FRMD4B: variants seen among roughly 807,000 people sequenced by gnomAD.
FRMD4B encodes the protein FERM domain-containing protein 4B.
Under a neutral mutation model 141.5 loss-of-function variants are expected in FRMD4B, and 74 were observed. The observed-to-expected ratio is 0.52, with a 90% confidence interval of 0.43 to 0.63. The LOEUF is 0.63. Ranked by LOEUF, FRMD4B falls within the 30% of genes least tolerant of loss-of-function variation. The probability of loss-of-function intolerance (pLI) is 0.00; values close to 1 mark genes in which losing one functional copy is unlikely to be tolerated. For missense variants in FRMD4B, 1,366 were observed against 1,253.4 expected (o/e 1.09, Z -1.36); for synonymous variants, 506 against 467.9 (o/e 1.08, Z -1.05).
At chr3:69,280,993 C>T (rs1159981784) in intron 5 of FRMD4B, among the ~76,000 whole-genome samples, 1 of 150,572 alleles carries the variant, frequency 6.6e-6, no homozygotes, top group Admixed American at 6.6e-5. Flanking sequence ...TGCGATGGTG[C>T]GATCTCAGCT....
At chr3:69,213,381 A>AAG (rs1281831618) in intron 11 of FRMD4B, among the ~76,000 whole-genome samples, 2 of 151,750 alleles carry the variant, frequency 1.3e-5, no homozygotes, top group Non-Finnish European at 2.9e-5. Flanking sequence ...AAAAAAAAAA[A>AAG]AAAAGCTAAC....
At chr3:69,280,894 C>T (rs1003939598) in intron 5 of FRMD4B, among the ~76,000 whole-genome samples, 1 of 152,140 alleles carries the variant, frequency 6.6e-6, no homozygotes, top group African/African-American at 2.4e-5. Flanking sequence ...GCTGGGATTA[C>T]AGGCATGAGA....
intron 3 of FRMD4B, among the ~76,000 whole-genome samples, chr3:69,303,853 G>A (rs973966775): frequency 6.6e-6 from 1 of 152,144 alleles, no homozygotes; most frequent in African/African-American, 2.4e-5. Context: ...AGGATCACTT[G>A]GGCCCAGGGA....
At chr3:69,518,615 T>C (rs1559551728) in intron 1 of FRMD4B, among the ~76,000 whole-genome samples, 1 of 152,184 alleles carries the variant, frequency 6.6e-6, no homozygotes, top group Non-Finnish European at 1.5e-5. Flanking sequence ...CCTGGTGTTA[T>C]CTACCCTTCC....
intron 1 of FRMD4B, among the ~76,000 whole-genome samples, chr3:69,360,345 A>G (rs1315588973): frequency 6.6e-6 from 1 of 152,236 alleles, no homozygotes; most frequent in Non-Finnish European, 1.5e-5. Context: ...AAATAATTCA[A>G]TATAAAAGAT....
chr3:69,194,916 A>G, intron 16 of FRMD4B, 106 bp downstream of exon 16: 1 of 980,760 alleles, frequency 1.0e-6, no homozygotes, highest in Non-Finnish European at 1.5e-6. Context: ...TGTACTGGTG[A>G]GATAACATAC....
At chr3:69,228,409 A>C (rs1398801072) in intron 7 of FRMD4B, 1 of 456,908 alleles carries the variant, frequency 2.2e-6, no homozygotes, top group Non-Finnish European at 4.4e-6. Flanking sequence ...ATGTAAGTCA[A>C]ACTCACCATC....
At chr3:69,387,691 A>C (rs1269735795), upstream of FRMD4B, among the ~76,000 whole-genome samples, 1 of 152,218 alleles carries the variant, frequency 6.6e-6, no homozygotes, top group Non-Finnish European at 1.5e-5. Flanking sequence ...TTATAATCTT[A>C]ATTCAGGTGA....
chr3:69,240,213 G>A (rs2093371672), intron 7 of FRMD4B, among the ~76,000 whole-genome samples: 1 of 151,972 alleles, frequency 6.6e-6, no homozygotes, highest in Admixed American at 6.6e-5. Flanking sequence ...ACATAGGCCA[G>A]GCATGATGGC....
intron 2 of FRMD4B, among the ~76,000 whole-genome samples, chr3:69,404,930 A>T (rs1188677392): frequency 6.6e-6 from 1 of 152,234 alleles, no homozygotes; most frequent in Non-Finnish European, 1.5e-5. Context: ...GCTTGCAAAT[A>T]ACAGGCAGGA....
intron 2 of FRMD4B, among the ~76,000 whole-genome samples, chr3:69,424,290 C>G (rs1025959745): frequency 1.3e-5 from 2 of 152,136 alleles, no homozygotes; most frequent in Admixed American, 1.3e-4. Flanking sequence ...ATAATGAGAA[C>G]TGACTGTATA....
intron 4 of FRMD4B, among the ~76,000 whole-genome samples, chr3:69,301,647 C>T (rs1701222447): frequency 6.6e-6 from 1 of 152,124 alleles, no homozygotes; most frequent in African/African-American, 2.4e-5. Flanking sequence ...CATCTTATAA[C>T]ATTTTATTTA....
chr3:69,374,021 C>T (rs1703902295), intron 1 of FRMD4B, among the ~76,000 whole-genome samples: 1 of 152,140 alleles, frequency 6.6e-6, no homozygotes, highest in African/African-American at 2.4e-5. Flanking sequence ...AAATGAGGCA[C>T]CAAGAAGTCA....
At chr3:69,533,889 T>C (rs913733961) in intron 1 of FRMD4B, among the ~76,000 whole-genome samples, 1 of 152,172 alleles carries the variant, frequency 6.6e-6, no homozygotes. Context: ...TCACATCTCC[T>C]CTTCCTAACA....
intron 1 of FRMD4B, among the ~76,000 whole-genome samples, chr3:69,350,681 G>A (rs926475816): frequency 6.6e-6 from 1 of 152,078 alleles, no homozygotes; most frequent in African/African-American, 2.4e-5. Context: ...GTAGGGACAT[G>A]GATGGTGCTG....
At chr3:69,486,187 A>G (rs535338419) in intron 1 of FRMD4B, among the ~76,000 whole-genome samples, 2 of 152,350 alleles carry the variant, frequency 1.3e-5, no homozygotes, top group African/African-American at 2.4e-5. Context: ...ATGAAACATC[A>G]GGTTTCTAAC....
intron 2 of FRMD4B, among the ~76,000 whole-genome samples, chr3:69,400,855 G>C (rs1486615056): frequency 6.6e-6 from 1 of 152,210 alleles, no homozygotes; most frequent in African/African-American, 2.4e-5. Context: ...ATTACACTGA[G>C]TTATGCTAAG....
chr3:69,469,528 G>A (rs1705853054), intron 1 of FRMD4B, among the ~76,000 whole-genome samples: 3 of 152,170 alleles, frequency 2.0e-5, no homozygotes. Flanking sequence ...ATTACCTTGT[G>A]TATGTGAAAT....
chr3:69,334,877 C>A (rs573472470), intron 1 of FRMD4B, among the ~76,000 whole-genome samples: 3 of 152,122 alleles, frequency 2.0e-5, no homozygotes, highest in Non-Finnish European at 4.4e-5. Context: ...GACTTGCCAG[C>A]GAAGAAGAAA....
Sources: allele counts gnomAD v4.1 joint callset (sites outside exome capture counted in the v4.1 genomes callset), GRCh38; gene constraint gnomAD v4.1.1; transcripts MANE v1.5; gene names NCBI Gene and HGNC (gene_info 2026-07-23, HGNC 2026-07-21).